Variants in FBXL7 observed in about 807,000 individuals in gnomAD.
The protein encoded by FBXL7 is F-box/LRR-repeat protein 7.
Under a neutral mutation model 38.3 loss-of-function variants are expected in FBXL7, and 12 were observed. The observed-to-expected ratio is 0.31, with a 90% CI of 0.20 to 0.51. The LOEUF (loss-of-function observed/expected upper bound fraction) is 0.51. Ranked by LOEUF, FBXL7 falls within the 20% of genes least tolerant of loss-of-function variation. The probability of loss-of-function intolerance (pLI) is 0.98; values close to 1 mark genes in which losing one functional copy is unlikely to be tolerated. For missense variants in FBXL7, 567 were observed against 676.4 expected, an observed-to-expected ratio of 0.84 and a Z score of 1.79; for synonymous variants, 297 against 300.9, an observed-to-expected ratio of 0.99 and a Z score of 0.13.
intron 2 of FBXL7, among the ~76,000 whole-genome samples, chr5:15,619,101 CTT>C: frequency 6.6e-6 from 1 of 152,284 alleles, no homozygotes; most frequent in Middle Eastern, 3.4e-3. Flanking sequence ...GCGGAGCCCT[CTT>C]TACCCTTAGG....
chr5:15,516,645 T>C (rs1485402656), intron 1 of FBXL7, among the ~76,000 whole-genome samples: 1 of 152,076 alleles, frequency 6.6e-6, no homozygotes, highest in African/African-American at 2.4e-5. Flanking sequence ...AGGGACTTCG[T>C]GGGAGGTAAT....
chr5:15,721,425 C>A (rs1478921813), intron 2 of FBXL7, among the ~76,000 whole-genome samples: 1 of 152,102 alleles, frequency 6.6e-6, no homozygotes, highest in African/African-American at 2.4e-5. Context: ...TGCCAAAAAT[C>A]ATAGCAAACA....
At position 15,831,990 on chromosome 5, in the gene FBXL7, C is replaced by A. The variant is rs530709274; in HGVS notation, c.128-95900C>A. 2.6e-5 allele frequency among the ~76,000 whole-genome samples: 4 copies of A among 152,104 alleles called. No homozygotes were observed. In the South Asian group the frequency reaches 8.3e-4, roughly 32 times the overall value. On this transcript the variant is annotated intron_variant, in intron 2 of 3. Transcript: ENST00000504595. ...GCTGGCCTTCAGGGTAAGAAAGCAG[C>A]CACTGGTCTTAACTGCTTCCTCCTG...
intron 1 of FBXL7, among the ~76,000 whole-genome samples, chr5:15,573,638 G>C (rs774563297): frequency 6.6e-6 from 1 of 152,148 alleles, no homozygotes. Context: ...AGATGTTCTT[G>C]TTAAGCAGTG....
rs143148514 is a variant in FBXL7 at position 15,776,416 on chromosome 5, T to G, written c.128-151474T>G. Among the ~76,000 whole-genome samples, 677 of 152,196 alleles carry G rather than the reference T, an allele frequency of 4.4e-3. 6 individuals carry two copies. The highest frequency in any genetic ancestry group is 0.015 in the African/African-American group (644 of 41,550). ...CAATTATAAATGCAATCTGAAGAGA[T>G]GGAAGGAAGCTGCCAAAACTCTTAA... On this transcript the variant is annotated intron_variant, in intron 2 of 3. Transcript: ENST00000504595.
intron 2 of FBXL7, among the ~76,000 whole-genome samples, chr5:15,754,427 G>GTATT (rs1736237269): frequency 1.3e-5 from 2 of 152,272 alleles, no homozygotes; most frequent in Admixed American, 1.3e-4. Flanking sequence ...CCAGCAGCAG[G>GTATT]GGCATCACAT....
At chr5:15,917,695 AAGAAAGAAAGG>A (rs1239396970) in intron 2 of FBXL7, among the ~76,000 whole-genome samples, 19 of 144,512 alleles carry the variant, frequency 1.3e-4, no homozygotes, top group African/African-American at 4.9e-4. Context: ...GGAAGGAAGG[AAGAAAGAAAGG>A]AAGGAAGGAA....
At chr5:15,558,862 G>T (rs1738328008) in intron 1 of FBXL7, among the ~76,000 whole-genome samples, 1 of 152,234 alleles carries the variant, frequency 6.6e-6, no homozygotes, top group Non-Finnish European at 1.5e-5. Context: ...GTCATGGTAA[G>T]CCAGGAGCAT....
intron 1 of FBXL7, among the ~76,000 whole-genome samples, chr5:15,578,930 T>A (rs139158962): frequency 6.6e-6 from 1 of 152,340 alleles, no homozygotes; most frequent in East Asian, 1.9e-4. Flanking sequence ...TTGGACTGTT[T>A]TAGTCTTTCA....
At chr5:15,649,098 G>A (rs961744386) in intron 2 of FBXL7, among the ~76,000 whole-genome samples, 1 of 152,098 alleles carries the variant, frequency 6.6e-6, no homozygotes, top group African/African-American at 2.4e-5. Context: ...CCTGGTTCAA[G>A]CTATTCTTGT....
intron 1 of FBXL7, among the ~76,000 whole-genome samples, chr5:15,555,800 TA>T (rs1738211315): frequency 6.6e-6 from 1 of 151,520 alleles, no homozygotes; most frequent in Non-Finnish European, 1.5e-5. Context: ...GATAGATAGA[TA>T]GATAGATAGA....
intron 2 of FBXL7, among the ~76,000 whole-genome samples, chr5:15,925,864 C>A (rs567654802): frequency 6.6e-6 from 1 of 152,282 alleles, no homozygotes; most frequent in South Asian, 2.1e-4. Flanking sequence ...AAAAGTGATA[C>A]ACATTCAGTA....
chr5:15,586,033 A>G (rs185229782), intron 1 of FBXL7, among the ~76,000 whole-genome samples: 52 of 152,340 alleles, frequency 3.4e-4, no homozygotes, highest in African/African-American at 1.3e-3. Context: ...GAGCCCAATA[A>G]GCCCTTAAAA....
intron 2 of FBXL7, among the ~76,000 whole-genome samples, chr5:15,672,557 CTTTTT>C (rs35987843): frequency 7.4e-6 from 1 of 135,150 alleles, no homozygotes; most frequent in Non-Finnish European, 1.6e-5. Flanking sequence ...TAATCTTTTT[CTTTTT>C]TTTTTTTTTT....
intron 2 of FBXL7, among the ~76,000 whole-genome samples, chr5:15,814,472 T>C (rs1245818449): frequency 2.0e-5 from 3 of 152,064 alleles, no homozygotes; most frequent in Admixed American, 1.3e-4. Context: ...AAATACCTAA[T>C]GTAAAATATG....
intron 1 of FBXL7, among the ~76,000 whole-genome samples, chr5:15,571,635 T>G (rs1295852916): frequency 1.3e-5 from 2 of 152,124 alleles, no homozygotes; most frequent in African/African-American, 4.8e-5. Flanking sequence ...AGCCTGGCAT[T>G]GTTAAGCAGA....
At chr5:15,751,743 C>T (rs1448386992) in intron 2 of FBXL7, among the ~76,000 whole-genome samples, 1 of 152,176 alleles carries the variant, frequency 6.6e-6, no homozygotes, top group Non-Finnish European at 1.5e-5. Context: ...AACAACGGCT[C>T]ACCTTAAAAA....
At chr5:15,646,587 A>G (rs1741540051) in intron 2 of FBXL7, among the ~76,000 whole-genome samples, 2 of 152,212 alleles carry the variant, frequency 1.3e-5, no homozygotes, top group East Asian at 1.9e-4. Flanking sequence ...TATTCCCCAA[A>G]TTGTTTACAG....
chr5:15,595,635 T>C (rs1282937120), intron 1 of FBXL7, among the ~76,000 whole-genome samples: 1 of 152,214 alleles, frequency 6.6e-6, no homozygotes, highest in African/African-American at 2.4e-5. Context: ...GCTTTACATG[T>C]GTTAATTCAT....
Sources: gnomAD v4.1 joint callset for allele counts (sites outside exome capture counted in the v4.1 genomes callset) on GRCh38, gnomAD v4.1.1 for gene constraint, MANE v1.5 for transcripts, NCBI Gene and HGNC (gene_info 2026-07-23, HGNC 2026-07-21) for gene names.